Variants in TMEM163 observed in about 807,000 individuals in gnomAD.
TMEM163 encodes transmembrane protein 163.
Under a neutral mutation model 29.3 loss-of-function variants are expected in TMEM163, and 17 were observed. That is an observed-to-expected ratio of 0.58 (90% confidence interval 0.40 to 0.87). The LOEUF (loss-of-function observed/expected upper bound fraction) is 0.87, where lower values mean the gene tolerates loss of function less well. TMEM163 is among the 40% of genes least tolerant of loss of function. The pLI is 0.00. For missense variants in TMEM163, 303 were observed against 381.5 expected (o/e 0.79, Z 1.71); for synonymous variants, 157 against 160.6 (o/e 0.98, Z 0.17).
intron 2 of TMEM163, among the ~76,000 whole-genome samples, chr2:134,585,612 G>A (rs957256509): frequency 3.3e-5 from 5 of 152,024 alleles, no homozygotes; most frequent in African/African-American, 1.2e-4. Context: ...CGCGGTGGCG[G>A]GCACCTGTAG....
chr2:134,462,083 A>C (rs1345227464), intron 6 of TMEM163, among the ~76,000 whole-genome samples: 1 of 152,144 alleles, frequency 6.6e-6, no homozygotes, highest in East Asian at 1.9e-4. Flanking sequence ...ACACCCACCT[A>C]GCAGGGGATC....
At chr2:134,612,542 A>AACAAACACACACACAC in intron 2 of TMEM163, among the ~76,000 whole-genome samples, 2 of 140,658 alleles carry the variant, frequency 1.4e-5, no homozygotes, top group South Asian at 4.7e-4. Flanking sequence ...GGTTTGCCCC[A>AACAAACACACACACAC]ACACACACAC....
rs548655525 is a variant in TMEM163, at chr2:134,483,781, G to C, written c.556-17556C>G. On this transcript the variant is annotated intron_variant, in intron 5 of 7. Transcript: ENST00000281924. ...ACGCTCTTTTTTTAAAACATTGTCT[G>C]ATGGCCCTGCATTTGAACAACAGGA... Among the ~76,000 whole-genome samples, 10 of 152,248 alleles carry C rather than the reference G, an allele frequency of 6.6e-5. No individual in the cohort carries two copies. The South Asian group carries it at 2.1e-3, about 32-fold the overall frequency.
intron 4 of TMEM163, among the ~76,000 whole-genome samples, chr2:134,525,656 G>A (rs1680278114): frequency 6.6e-6 from 1 of 152,174 alleles, no homozygotes; most frequent in Admixed American, 6.5e-5. Flanking sequence ...ACCACTCAAT[G>A]GAACTTTGAC....
chr2:134,576,953 T>A (rs1681569090), intron 2 of TMEM163, among the ~76,000 whole-genome samples: 1 of 152,200 alleles, frequency 6.6e-6, no homozygotes, highest in East Asian at 1.9e-4. Flanking sequence ...AACGCCTTTA[T>A]GCATGATCAC....
intron 2 of TMEM163, among the ~76,000 whole-genome samples, chr2:134,602,331 C>G (rs1485002421): frequency 6.6e-6 from 1 of 152,134 alleles, no homozygotes; most frequent in Non-Finnish European, 1.5e-5. Flanking sequence ...GACCATAAAC[C>G]CTCCCGCATG....
intron 6 of TMEM163, among the ~76,000 whole-genome samples, chr2:134,464,023 C>T (rs1251091778): frequency 6.6e-6 from 1 of 152,190 alleles, no homozygotes; most frequent in African/African-American, 2.4e-5. Context: ...CAGTCTTAAC[C>T]CAGGCAGTCA....
At position 134,529,353 on chromosome 2, in the gene TMEM163, T is replaced by TA. The variant is rs779235246; in HGVS notation, c.458+21216dup. Among the ~76,000 whole-genome samples the TA allele has an allele frequency of 7.0e-4, 106 of 150,878 alleles. 2 individuals are homozygous for TA. The highest frequency in any genetic ancestry group is 2.5e-3 in the African/African-American group (103 of 41,068). On this transcript the variant is annotated intron_variant, in intron 4 of 7. Transcript: ENST00000281924. ...CTCAAAAACAAAAACAAAATGTATA[T>TA]AAACCTGCGCACATGCATAAAAGAA...
chr2:134,667,733 T>C (rs1006037511), intron 2 of TMEM163, among the ~76,000 whole-genome samples: 3 of 152,232 alleles, frequency 2.0e-5, no homozygotes, highest in African/African-American at 7.2e-5. Context: ...GTATGGATTT[T>C]CCCAAAGTGA....
chr2:134,606,918 C>A (rs900824791), intron 2 of TMEM163, among the ~76,000 whole-genome samples: 1 of 147,992 alleles, frequency 6.8e-6, no homozygotes, highest in Non-Finnish European at 1.5e-5. Context: ...GAGGACAGAC[C>A]CCGAGAACTG....
chr2:134,692,844 T>C (rs532814552), intron 2 of TMEM163, among the ~76,000 whole-genome samples: 22 of 152,254 alleles, frequency 1.4e-4, no homozygotes, highest in Non-Finnish European at 2.5e-4. Flanking sequence ...TTTTGAGGAA[T>C]ACAATTCAGT....
chr2:134,621,224 G>A (rs1385914512), intron 2 of TMEM163, among the ~76,000 whole-genome samples: 2 of 152,162 alleles, frequency 1.3e-5, no homozygotes, highest in Non-Finnish European at 2.9e-5. Context: ...AGCACATGAA[G>A]AGATGCTTAA....
intron 2 of TMEM163, among the ~76,000 whole-genome samples, chr2:134,571,394 G>T (rs1469769764): frequency 6.6e-6 from 1 of 151,944 alleles, no homozygotes; most frequent in Non-Finnish European, 1.5e-5. Flanking sequence ...ATCCCCACTT[G>T]CCTCTGCCAT....
At chr2:134,565,247 CAAAAACA>C (rs993333224) in intron 2 of TMEM163, among the ~76,000 whole-genome samples, 1 of 151,160 alleles carries the variant, frequency 6.6e-6, no homozygotes, top group Non-Finnish European at 1.5e-5. Context: ...AAAACAAAAA[CAAAAACA>C]AAAGTGATCT....
intron 2 of TMEM163, among the ~76,000 whole-genome samples, chr2:134,652,056 G>A (rs1248820863): frequency 1.4e-5 from 2 of 139,910 alleles, no homozygotes; most frequent in African/African-American, 6.0e-5. Flanking sequence ...ATGAACTTTA[G>A]AGTAGTTTTT....
At chr2:134,573,379 C>T (rs1161212118) in intron 2 of TMEM163, among the ~76,000 whole-genome samples, 4 of 152,152 alleles carry the variant, frequency 2.6e-5, no homozygotes, top group Non-Finnish European at 1.5e-5. Flanking sequence ...AAGGTATAAG[C>T]CAGTGTTTCT....
chr2:134,627,568 T>A (rs1010746634), intron 2 of TMEM163, among the ~76,000 whole-genome samples: 2 of 152,200 alleles, frequency 1.3e-5, no homozygotes, highest in Non-Finnish European at 2.9e-5. Flanking sequence ...GATGGCTTAT[T>A]TTTTTACATT....
chr2:134,582,615 C>G (rs540448703), intron 2 of TMEM163, among the ~76,000 whole-genome samples: 1 of 152,274 alleles, frequency 6.6e-6, no homozygotes, highest in African/African-American at 2.4e-5. Flanking sequence ...GAAACCCAAG[C>G]CCAAGCTGGT....
intron 2 of TMEM163, among the ~76,000 whole-genome samples, chr2:134,634,009 ATATATATATAT>A (rs1683045394): frequency 3.1e-5 from 1 of 32,560 alleles, no homozygotes; most frequent in African/African-American, 1.1e-4. Context: ...ATATATATAT[ATATATATATAT>A]AATAGGACTG....
Sources: allele counts gnomAD v4.1 joint callset (sites outside exome capture counted in the v4.1 genomes callset), GRCh38; gene constraint gnomAD v4.1.1; transcripts MANE v1.5; gene names NCBI Gene and HGNC (gene_info 2026-07-23, HGNC 2026-07-21).